The following GPATCH8 variants were observed in gnomAD, a reference collection of about 807,000 sequenced individuals.
GPATCH8 encodes the protein G patch domain-containing protein 8.
A neutral mutation model predicts 118.3 loss-of-function variants in GPATCH8; 18 were observed. The ratio of observed to expected loss-of-function variants is 0.15; its 90% CI spans 0.11 to 0.23. The LOEUF (loss-of-function observed/expected upper bound fraction) is 0.23. Ranked by LOEUF, GPATCH8 falls within the 10% of genes least tolerant of loss-of-function variation. GPATCH8 has a pLI of 1.00. For synonymous variants in GPATCH8, 659 were observed against 684.7 expected, an observed-to-expected ratio of 0.96 and a Z score of 0.59; for missense variants, 1,631 against 1,873.8, an observed-to-expected ratio of 0.87 and a Z score of 2.39.
intron 1 of GPATCH8, among the ~76,000 whole-genome samples, chr17:44,477,352 G>T (rs1487329624): frequency 6.6e-6 from 1 of 152,094 alleles, no homozygotes; most frequent in Non-Finnish European, 1.5e-5. Context: ...GAACAAGATG[G>T]TGGTGGTGGT....
intron 1 of GPATCH8, among the ~76,000 whole-genome samples, chr17:44,489,736 A>G (rs1969091763): frequency 6.6e-6 from 1 of 152,232 alleles, no homozygotes; most frequent in Admixed American, 6.5e-5. Context: ...TAATAATAGT[A>G]GTAGTAATGA....
At chr17:44,432,065 T>A (rs923116144) in intron 5 of GPATCH8, among the ~76,000 whole-genome samples, 126 of 150,200 alleles carry the variant, frequency 8.4e-4, no homozygotes, top group African/African-American at 2.5e-3. Flanking sequence ...TTTTTTTTTT[T>A]AATTTTAGGA....
At chr17:44,489,123 C>T (rs1969030383) in intron 1 of GPATCH8, among the ~76,000 whole-genome samples, 1 of 151,974 alleles carries the variant, frequency 6.6e-6, no homozygotes, top group South Asian at 2.1e-4. Flanking sequence ...ATGGAATAAT[C>T]TCCAGGACAT....
intron 3 of GPATCH8, among the ~76,000 whole-genome samples, chr17:44,440,089 C>T (rs543277746): frequency 6.6e-6 from 1 of 152,088 alleles, no homozygotes; most frequent in East Asian, 1.9e-4. Context: ...GCCTCAACTT[C>T]TTTTAAAAAT....
intron 3 of GPATCH8, among the ~76,000 whole-genome samples, chr17:44,439,637 CA>C (rs992971213): frequency 2.0e-5 from 3 of 152,048 alleles, no homozygotes; most frequent in African/African-American, 7.2e-5. Context: ...CAAAACAAAA[CA>C]AAAAACCCCC....
At chr17:44,447,763 G>A (rs2050941043) in intron 3 of GPATCH8, among the ~76,000 whole-genome samples, 1 of 151,996 alleles carries the variant, frequency 6.6e-6, no homozygotes, top group African/African-American at 2.4e-5. Flanking sequence ...AGTAGCTAGG[G>A]CTACAGGCAT....
intron 1 of GPATCH8, among the ~76,000 whole-genome samples, chr17:44,498,521 GACTTT>G (rs1969827955): frequency 1.3e-5 from 2 of 152,140 alleles, no homozygotes; most frequent in Admixed American, 6.6e-5. Context: ...CTCTTATGCT[GACTTT>G]ACTTTGGTCA....
chr17:44,479,212 G>GT (rs1295819679), intron 1 of GPATCH8, among the ~76,000 whole-genome samples: 7 of 152,066 alleles, frequency 4.6e-5, no homozygotes, highest in African/African-American at 7.2e-5. Flanking sequence ...AATCACACAA[G>GT]TTTTTCCAAA....
intron 6 of GPATCH8, 72 bp downstream of exon 6, chr17:44,424,277 T>C (rs1248111231): frequency 1.2e-5 from 12 of 1,017,588 alleles, no homozygotes; most frequent in Non-Finnish European, 1.4e-5. Flanking sequence ...TTTTGGGGGG[T>C]ATACTCATAA....
intron 1 of GPATCH8, among the ~76,000 whole-genome samples, chr17:44,496,782 T>C (rs755523206): frequency 1.3e-5 from 2 of 152,236 alleles, no homozygotes; most frequent in Non-Finnish European, 2.9e-5. Context: ...TTGTTTAAAT[T>C]CCAAAGAAAT....
In GPATCH8 at chr17:44,399,327, G is replaced by T; in HGVS notation, c.2750C>A (p.Ala917Asp). 6.2e-7 allele frequency: 1 copy of T among 1,613,786 alleles called. No individual in the cohort carries two copies. Among genetic ancestry groups the T allele is most frequent in the Non-Finnish European group, 8.5e-7 (1 of 1,179,664 alleles). The stretch of plus-strand genomic sequence containing the variant: ...CCGTTTTGATCGGTGTTTGGAGCTG[G>T]CATAGTCTGAGTCATCTGAGTCATG... ...RSHDSDDSDY[A>D]SSKHRSKRHK... Residue 917 changes from alanine (A) to aspartate (D), a missense_variant, in exon 8 of 8, where the codon GCC (alanine) becomes GAC (aspartate). Transcript: ENST00000591680.
chr17:44,477,232 T>C (rs7223739), intron 1 of GPATCH8, among the ~76,000 whole-genome samples: 82,713 of 152,074 alleles, frequency 0.54, 23,066 homozygotes, highest in Middle Eastern at 0.63. Flanking sequence ...TGTGAAGTCC[T>C]TGAGGACAAG....
At chr17:44,477,752 A>G (rs1229435282) in intron 1 of GPATCH8, among the ~76,000 whole-genome samples, 1 of 152,116 alleles carries the variant, frequency 6.6e-6, no homozygotes, top group Non-Finnish European at 1.5e-5. Flanking sequence ...AATGAAAAAA[A>G]GCAGTCATGA....
At chr17:44,493,333 T>C (rs1969423008) in intron 1 of GPATCH8, among the ~76,000 whole-genome samples, 1 of 152,156 alleles carries the variant, frequency 6.6e-6, no homozygotes. Context: ...AGTGCTGGGA[T>C]TACAGGCACG....
At chr17:44,437,642 T>C (rs1420705710) in intron 3 of GPATCH8, among the ~76,000 whole-genome samples, 1 of 143,956 alleles carries the variant, frequency 6.9e-6, no homozygotes, top group Non-Finnish European at 1.6e-5. Flanking sequence ...ATCTGAGGCA[T>C]TACCCTCCCA....
At chr17:44,481,878 T>G (rs1356164433) in intron 1 of GPATCH8, among the ~76,000 whole-genome samples, 2 of 152,164 alleles carry the variant, frequency 1.3e-5, no homozygotes, top group Admixed American at 1.3e-4. Context: ...TCCCAGCACT[T>G]TGGGAGACCA....
At chr17:44,421,877 C>T (rs914216515) in intron 6 of GPATCH8, among the ~76,000 whole-genome samples, 3 of 151,836 alleles carry the variant, frequency 2.0e-5, no homozygotes, top group African/African-American at 7.3e-5. Context: ...CAGGCGTGCA[C>T]CACCATGCCT....
At position 44,403,168 on chromosome 17, in the gene GPATCH8, C is replaced by T. The variant is rs531095454; in HGVS notation, c.624-1715G>A. Among the ~76,000 whole-genome samples the T allele has an allele frequency of 1.4e-4, 22 of 152,064 alleles. No individual in the cohort carries two copies. The East Asian group carries it at 3.3e-3, about 23-fold the overall frequency. ...TCGGCTCACTGCAACCTCTACCTCCCGGGTTCAAGTGATTCTCCTCCCTCA... is the reference window on the plus strand; with the variant it reads ...TCGGCTCACTGCAACCTCTACCTCCTGGGTTCAAGTGATTCTCCTCCCTCA... On this transcript the variant is annotated intron_variant, in intron 7 of 7. Coordinates refer to ENST00000591680, the MANE Select transcript of GPATCH8 (RefSeq NM_001002909.4).
intron 7 of GPATCH8, 97 bp downstream of exon 7, chr17:44,405,824 T>C (rs2049199735): frequency 9.9e-7 from 1 of 1,014,200 alleles, no homozygotes; most frequent in Non-Finnish European, 1.5e-6. Context: ...AATTCTTAAA[T>C]CTTAATTTAA....
Sources: allele counts gnomAD v4.1 joint callset (sites outside exome capture counted in the v4.1 genomes callset), GRCh38; gene constraint gnomAD v4.1.1; transcripts MANE v1.5; gene names NCBI Gene and HGNC (gene_info 2026-07-23, HGNC 2026-07-21).